The following KAT2B variants were observed in gnomAD, a reference collection of about 807,000 sequenced individuals.
KAT2B encodes histone acetyltransferase KAT2B.
A neutral mutation model predicts 105.9 loss-of-function variants in KAT2B; 36 were observed. That is an observed-to-expected ratio of 0.34 (90% CI 0.26 to 0.45). KAT2B has a LOEUF of 0.45. Among genes scored for constraint, KAT2B ranks in the 20% least tolerant of loss-of-function variants. The pLI is 1.00. For missense variants in KAT2B, 820 were observed against 1,021.6 expected, an observed-to-expected ratio of 0.80 and a Z score of 2.69; for synonymous variants, 397 against 377.9, an observed-to-expected ratio of 1.05 and a Z score of -0.59.
intron 2 of KAT2B, among the ~76,000 whole-genome samples, chr3:20,087,166 C>T (rs537159578): frequency 3.9e-5 from 6 of 152,152 alleles, no homozygotes; most frequent in Admixed American, 1.3e-4. Context: ...CTGTGGTTAA[C>T]AATAATATCT....
chr3:20,140,944 A>G (rs1489595698), intron 13 of KAT2B, among the ~76,000 whole-genome samples: 1 of 151,958 alleles, frequency 6.6e-6, no homozygotes, highest in Non-Finnish European at 1.5e-5. Context: ...CCTTCAAGCC[A>G]TTTTGCATTC....
In KAT2B at chr3:20,148,500, A is replaced by C. The variant is rs1699815815; in HGVS notation, c.2305+13A>C. On this transcript the variant is annotated intron_variant, in intron 17 of 17. Transcript: ENST00000263754. ...AGGTTCCCCATGGGTAATACCATTAACATTTTCTAAGTATAGATTTAAAAC... is the reference window on the plus strand; with the variant it reads ...AGGTTCCCCATGGGTAATACCATTACCATTTTCTAAGTATAGATTTAAAAC... 2 of 1,541,202 alleles carry C rather than the reference A, an allele frequency of 1.3e-6. No homozygotes were observed. Among genetic ancestry groups the C allele is most frequent in the African/African-American group, 2.8e-5 (2 of 71,680 alleles).
intron 5 of KAT2B, among the ~76,000 whole-genome samples, chr3:20,106,120 A>G (rs946254281): frequency 6.6e-6 from 1 of 152,176 alleles, no homozygotes; most frequent in African/African-American, 2.4e-5. Context: ...AAGTCAGTAG[A>G]ATGACATGGT....
intron 13 of KAT2B, among the ~76,000 whole-genome samples, chr3:20,144,324 T>G (rs1699747539): frequency 7.3e-6 from 1 of 137,768 alleles, no homozygotes; most frequent in Non-Finnish European, 1.5e-5. Context: ...CGTCTCACTC[T>G]GTCACCCAGG....
rs1255775961 is a variant in KAT2B, at chr3:20,095,243, T to C, written c.431-20T>C. The C allele has an allele frequency of 1.1e-5, 18 of 1,600,636 alleles. No individual in the cohort carries two copies. The highest frequency in any genetic ancestry group is 1.5e-5 in the Non-Finnish European group (18 of 1,173,482). ...TTTCCAATTGAGGTCTTACATATGT[T>C]TCTTTGATCTTATCATAAGCTGCTC... On this transcript the variant is annotated intron_variant, in intron 2 of 17. Coordinates refer to ENST00000263754, the MANE Select transcript of KAT2B (RefSeq NM_003884.5).
In KAT2B at chr3:20,106,991, A is replaced by G. The variant is rs1437583633; in HGVS notation, c.852-4605A>G. On this transcript the variant is annotated intron_variant, in intron 5 of 17. Coordinates refer to ENST00000263754, the MANE Select transcript of KAT2B (RefSeq NM_003884.5). Reference sequence around the variant, plus strand: ...TATATATATATATGTATATATATATATATATATATATATATATATATATAT... The same window carrying G: ...TATATATATATATGTATATATATATGTATATATATATATATATATATATAT... Among the ~76,000 whole-genome samples the G allele has an allele frequency of 3.5e-3, 70 of 20,112 alleles. 1 individual carries two copies. The East Asian group carries it at 0.13, about 38-fold the overall frequency. The allele number at this position is 20,112 out of a possible 152,430, so 13.2% of individuals were successfully genotyped here.
chr3:20,126,777 G>A (rs377087144), intron 10 of KAT2B, among the ~76,000 whole-genome samples: 1 of 140,716 alleles, frequency 7.1e-6, no homozygotes, highest in East Asian at 2.3e-4. Context: ...AGCCGAGACC[G>A]TGCCATTGCA....
intron 13 of KAT2B, among the ~76,000 whole-genome samples, chr3:20,140,952 T>C (rs1264445640): frequency 1.3e-5 from 2 of 152,192 alleles, no homozygotes; most frequent in African/African-American, 4.8e-5. Context: ...CCATTTTGCA[T>C]TCTGGCCTCA....
intron 12 of KAT2B, 70 bp downstream of exon 12, chr3:20,137,122 CAA>C: frequency 2.5e-6 from 2 of 788,308 alleles, no homozygotes; most frequent in South Asian, 3.0e-5. Context: ...AGCGTTCTTC[CAA>C]ATAAGTTTCT....
chr3:20,051,263 T>C (rs559690680), intron 1 of KAT2B, among the ~76,000 whole-genome samples: 3 of 150,066 alleles, frequency 2.0e-5, no homozygotes, highest in South Asian at 2.1e-4. Context: ...CAAGTAGATG[T>C]AGATAAGGAA....
intron 2 of KAT2B, among the ~76,000 whole-genome samples, chr3:20,073,474 T>A (rs1436491516): frequency 2.6e-5 from 4 of 152,172 alleles, no homozygotes; most frequent in Non-Finnish European, 5.9e-5. Context: ...CAGAGAGTAT[T>A]TCAATATTTA....
At chr3:20,061,067 T>TCAC (rs1243974902) in intron 1 of KAT2B, among the ~76,000 whole-genome samples, 4 of 152,320 alleles carry the variant, frequency 2.6e-5, no homozygotes, top group South Asian at 2.1e-4. Flanking sequence ...TGTGCAATCA[T>TCAC]CACCACCATT....
chr3:20,070,374 G>A (rs1294382671), intron 1 of KAT2B, among the ~76,000 whole-genome samples: 1 of 146,218 alleles, frequency 6.8e-6, no homozygotes, highest in Non-Finnish European at 1.5e-5. Flanking sequence ...GTGCAATCTC[G>A]GCTCACTGCA....
chr3:20,103,107 T>C (rs1698937445), intron 5 of KAT2B, among the ~76,000 whole-genome samples: 1 of 152,200 alleles, frequency 6.6e-6, no homozygotes. Flanking sequence ...AATAAGTTTT[T>C]AAATTATATC....
In KAT2B at chr3:20,140,382, T is replaced by G; in HGVS notation, c.2004+18T>G. 6.2e-7 allele frequency: 1 copy of G among 1,612,804 alleles called. No homozygotes were observed. Reference sequence around the variant, plus strand: ...AGAAGGAGGTAAGCAGGTGGTTGACTCCCTTACCTTCTGTACAGGCCAGTC... The same window carrying G: ...AGAAGGAGGTAAGCAGGTGGTTGACGCCCTTACCTTCTGTACAGGCCAGTC... On this transcript the variant is annotated intron_variant, in intron 13 of 17. Transcript: ENST00000263754.
intron 1 of KAT2B, among the ~76,000 whole-genome samples, chr3:20,065,703 C>A (rs1478458494): frequency 6.6e-6 from 1 of 152,020 alleles, no homozygotes; most frequent in East Asian, 1.9e-4. Context: ...ATTTTCATAT[C>A]CTGCAAAAAA....
rs1302665833 is a variant in KAT2B at position 20,062,124 on chromosome 3, A to AT, written c.304-10208dup. Among the ~76,000 whole-genome samples the AT allele has an allele frequency of 5.2e-4, 48 of 92,012 alleles. 2 individuals are homozygous for AT. Among genetic ancestry groups the AT allele is most frequent in the African/African-American group, 2.1e-3 (47 of 21,884 alleles). The allele number at this position is 92,012 out of a possible 152,430, so 60.4% of individuals were successfully genotyped here. On this transcript the variant is annotated intron_variant, in intron 1 of 17. Transcript: ENST00000263754. ...ATATAATATATATTATATAAAACAT[A>AT]TATATATAAAATATATAATATATAA...
chr3:20,136,270 C>T (rs1048308324), intron 11 of KAT2B, among the ~76,000 whole-genome samples: 1 of 152,144 alleles, frequency 6.6e-6, no homozygotes, highest in Non-Finnish European at 1.5e-5. Flanking sequence ...TAAGCTTTGT[C>T]ACTGAAAAAA....
At chr3:20,086,468 G>T (rs1220465871) in intron 2 of KAT2B, among the ~76,000 whole-genome samples, 1 of 152,082 alleles carries the variant, frequency 6.6e-6, no homozygotes, top group Non-Finnish European at 1.5e-5. Context: ...AGGCATGGTG[G>T]TACACGCCTA....
Sources: allele counts gnomAD v4.1 joint callset (sites outside exome capture counted in the v4.1 genomes callset), GRCh38; gene constraint gnomAD v4.1.1; transcripts MANE v1.5; gene names NCBI Gene and HGNC (gene_info 2026-07-23, HGNC 2026-07-21).